ARHGEF5: variants seen among roughly 807,000 people sequenced by gnomAD.
ARHGEF5 encodes Rho guanine nucleotide exchange factor (GEF) 5.
In ARHGEF5, 11 loss-of-function variants were observed where a neutral mutation model predicts 104.0. The observed-to-expected ratio is 0.11, with a 90% confidence interval of 0.07 to 0.18. The LOEUF (loss-of-function observed/expected upper bound fraction) is 0.18, where lower values mean the gene tolerates loss of function less well. Among genes scored for constraint, ARHGEF5 ranks in the 10% least tolerant of loss-of-function variants. The pLI, the probability that ARHGEF5 is intolerant of heterozygous loss-of-function variation, is 1.00. For synonymous variants in ARHGEF5, 60 were observed against 512.2 expected (o/e 0.12, Z 11.92); for missense variants, 165 against 1,335.4 (o/e 0.12, Z 13.66).
rs563404711 is a variant in ARHGEF5, at chr7:144,378,122, A to T, written c.4532-640A>T. On this transcript the variant is annotated intron_variant, in intron 13 of 14. Coordinates refer to ENST00000056217, the MANE Select transcript of ARHGEF5 (RefSeq NM_005435.4). The stretch of plus-strand genomic sequence containing the variant: ...GTTTTCTTGAGCTTCAGATCTATGG[A>T]CATGTCTCCTGGTTCTCAAAAACAT... Among the ~76,000 whole-genome samples, 8 of 152,340 alleles carry T rather than the reference A, an allele frequency of 5.3e-5. No homozygotes were observed. The East Asian group carries it at 1.5e-3, about 29-fold the overall frequency.
chr7:144,373,893 G>A (rs1370114849), intron 10 of ARHGEF5, among the ~76,000 whole-genome samples: 1 of 141,478 alleles, frequency 7.1e-6, no homozygotes, highest in Non-Finnish European at 1.5e-5. Flanking sequence ...CCAGGCTAGA[G>A]TGCAGTGGTG....
chr7:144,359,614 TGTCTACAAAG>T (rs1340854695), intron 1 of ARHGEF5, among the ~76,000 whole-genome samples: 1 of 119,830 alleles, frequency 8.3e-6, no homozygotes, highest in African/African-American at 3.1e-5. Flanking sequence ...AGAGGAGCAG[TGTCTACAAAG>T]GCCTACAGGT....
intron 5 of ARHGEF5, among the ~76,000 whole-genome samples, chr7:144,370,743 G>A (rs1420046662): frequency 2.0e-5 from 3 of 147,004 alleles, no homozygotes; most frequent in Admixed American, 6.9e-5. Context: ...TGGGATTACA[G>A]GCGTGAGCCA....
intron 1 of ARHGEF5, among the ~76,000 whole-genome samples, chr7:144,360,723 C>G (rs1373422467): frequency 8.1e-6 from 1 of 124,002 alleles, no homozygotes; most frequent in Non-Finnish European, 1.8e-5. Flanking sequence ...TTATTAAACA[C>G]TGAGTATAGG....
intron 12 of ARHGEF5, among the ~76,000 whole-genome samples, chr7:144,375,931 G>T (rs1201673412): frequency 3.3e-5 from 5 of 152,410 alleles, no homozygotes; most frequent in Non-Finnish European, 7.3e-5. Flanking sequence ...GAGGGACAAG[G>T]TCTGTGTAGT....
intron 1 of ARHGEF5, among the ~76,000 whole-genome samples, chr7:144,360,848 T>C (rs1184336439): frequency 7.0e-6 from 1 of 143,396 alleles, no homozygotes; most frequent in African/African-American, 2.6e-5. Context: ...CATTATATAA[T>C]TATAATTGTA....
chr7:144,379,953 A>C lies in ARHGEF5; in HGVS notation c.4691A>C (p.Gln1564Pro), dbSNP rs1417682742. 6.2e-7 allele frequency: 1 copy of C among 1,614,232 alleles called. No homozygotes were observed. Among genetic ancestry groups the C allele is most frequent in the South Asian group, 1.1e-5 (1 of 91,080 alleles). Residue 1564 changes from glutamine to proline, a missense_variant, in exon 15 of 15, where the codon CAG becomes CCG. Coordinates refer to ENST00000056217, the MANE Select transcript of ARHGEF5 (RefSeq NM_005435.4). ...SDGERGWFPV[Q>P]QVEFISNPEV... ...GGGGAGCGAGGCTGGTTTCCTGTGC[A>C]GCAGGTGGAGTTCATTTCCAACCCA... is the stretch of plus-strand genomic sequence containing the variant.
At chr7:144,378,626 C>A in intron 13 of ARHGEF5, 136 bp from the exon 14 acceptor site, 3 of 674,412 alleles carry the variant, frequency 4.4e-6, no homozygotes, top group Non-Finnish European at 5.1e-6. Context: ...TTCAAATTTC[C>A]TCTTTTGTCT....
intron 14 of ARHGEF5, among the ~76,000 whole-genome samples, chr7:144,379,534 A>G (rs747727973): frequency 1.3e-5 from 2 of 152,172 alleles, no homozygotes; most frequent in Non-Finnish European, 2.9e-5. Flanking sequence ...TTATATAGAC[A>G]CCTGTTATAC....
chr7:144,374,975 TG>T, intron 11 of ARHGEF5, 86 bp downstream of exon 11: 1 of 493,602 alleles, frequency 2.0e-6, no homozygotes, highest in South Asian at 2.1e-5. Flanking sequence ...AGAAGGGTCA[TG>T]TTCCTAGAAG....
At chr7:144,379,280 C>T (rs1379631237) in intron 14 of ARHGEF5, among the ~76,000 whole-genome samples, 7 of 152,160 alleles carry the variant, frequency 4.6e-5, no homozygotes, top group South Asian at 2.1e-4. Context: ...AGTGCAGTGG[C>T]GCAATCTTGG....
In ARHGEF5 at chr7:144,380,174, A is replaced by C. The variant is rs1202072092; in HGVS notation, c.*118A>C. Reference sequence around the variant, plus strand: ...GGAGAACTAGGCCTTCTCAAAGCTCAAGGACAAAATCCAGCTAACCCAGTC... The same window carrying C: ...GGAGAACTAGGCCTTCTCAAAGCTCCAGGACAAAATCCAGCTAACCCAGTC... On this transcript the variant is annotated 3_prime_UTR_variant, in exon 15 of 15. Transcript: ENST00000056217. 76 of 1,357,428 alleles carry C rather than the reference A, an allele frequency of 5.6e-5. No homozygotes were observed. The highest frequency in any genetic ancestry group is 6.7e-5 in the Non-Finnish European group (66 of 989,742). The allele number at this position is 1,357,428 out of a possible 1,614,324, so 84.1% of individuals were successfully genotyped here. A position where few individuals can be genotyped will look rare whatever the true frequency, so the allele number is the denominator to read the frequency against.
At chr7:144,379,844 G>A (rs2053787944) in intron 14 of ARHGEF5, 55 bp from the exon 15 acceptor site, 7 of 1,605,310 alleles carry the variant, frequency 4.4e-6, no homozygotes, top group Non-Finnish European at 6.0e-6. Context: ...GTGATCCAGA[G>A]AAGCTATCGT....
intron 1 of ARHGEF5, among the ~76,000 whole-genome samples, chr7:144,359,912 C>T (rs1452604567): frequency 3.5e-5 from 5 of 144,384 alleles, no homozygotes; most frequent in Non-Finnish European, 6.2e-5. Context: ...AGGCCAGTGC[C>T]CAAGCTGTGG....
At chr7:144,370,964 G>GCCTGTA (rs2053719111) in intron 5 of ARHGEF5, among the ~76,000 whole-genome samples, 197 bp from the exon 6 acceptor site, 1 of 145,478 alleles carries the variant, frequency 6.9e-6, no homozygotes, top group East Asian at 2.0e-4. Flanking sequence ...ACCTTTGAAG[G>GCCTGTA]CCTGTACCTG....
intron 13 of ARHGEF5, among the ~76,000 whole-genome samples, 182 bp downstream of exon 13, chr7:144,377,372 A>C (rs920738869): frequency 9.2e-5 from 14 of 152,232 alleles, no homozygotes; most frequent in African/African-American, 3.4e-4. Context: ...AAAACTGCTC[A>C]TCACTATGGC....
rs1432385955 is a variant in ARHGEF5, at chr7:144,363,257, T to G, written c.588T>G (p.Asn196Lys). 6.3e-7 allele frequency: 1 copy of G among 1,592,202 alleles called. No individual in the cohort carries two copies. The highest frequency in any genetic ancestry group is 1.4e-5 in the African/African-American group (1 of 73,744). The change falls in exon 2 of 15, where the codon AAT becomes AAG. Residue 196 changes from asparagine to lysine, a missense_variant. By Grantham distance (94) the Asn-to-Lys change is moderately conservative. Transcript: ENST00000056217. ...CEEHPAETNQNEGSESGTIRQ... is the reference protein window; with the variant it reads ...CEEHPAETNQKEGSESGTIRQ... ...AGCATCCTGCAGAGACCAACCAGAA[T>G]GAAGGCTCTGAAAGTGGGACTATCA...
chr7:144,379,082 C>T (rs750726773), intron 14 of ARHGEF5, among the ~76,000 whole-genome samples: 7 of 152,194 alleles, frequency 4.6e-5, no homozygotes, highest in East Asian at 1.9e-4. Flanking sequence ...AAGATCCTTC[C>T]GTACCTTTTC....
At chr7:144,379,839 C>G (rs776522129) in intron 14 of ARHGEF5, 60 bp from the exon 15 acceptor site, 13 of 1,599,916 alleles carry the variant, frequency 8.1e-6, no homozygotes, top group Middle Eastern at 1.8e-4. Context: ...GGAAGGTGAT[C>G]CAGAGAAGCT....
Sources: gnomAD v4.1 joint callset for allele counts (sites outside exome capture counted in the v4.1 genomes callset) on GRCh38, gnomAD v4.1.1 for gene constraint, MANE v1.5 for transcripts, NCBI Gene and HGNC (gene_info 2026-07-23, HGNC 2026-07-21) for gene names.